The following C12orf42 variants were observed in gnomAD, a reference collection of about 807,000 sequenced individuals.
C12orf42 encodes the protein chromosome 12 open reading frame 42.
In C12orf42, 25 loss-of-function variants were observed where a neutral mutation model predicts 21.6. That is an observed-to-expected ratio of 1.16 (90% CI 0.84 to 1.62). The LOEUF (loss-of-function observed/expected upper bound fraction) is 1.62. Among genes scored for constraint, C12orf42 ranks in the 40% most tolerant of loss-of-function variants. The pLI is 0.00. For synonymous variants in C12orf42, 174 were observed against 175.0 expected (o/e 0.99, Z 0.05); for missense variants, 483 against 459.3 (o/e 1.05, Z -0.47).
the C12orf42 span, among the ~76,000 whole-genome samples, chr12:103,544,903 C>T: frequency 2.0e-5 from 3 of 152,106 alleles, no homozygotes; most frequent in African/African-American, 2.4e-5. Context: ...TACCTCAACA[C>T]GCTCAACCTG....
intron 2 of C12orf42, among the ~76,000 whole-genome samples, chr12:103,448,316 C>T (rs181703463): frequency 6.6e-6 from 1 of 152,132 alleles, no homozygotes; most frequent in African/African-American, 2.4e-5. Context: ...AGACTTAAAT[C>T]TAAGACCTGA....
chr12:103,224,059 T>A, the C12orf42 span, among the ~76,000 whole-genome samples: 1 of 152,134 alleles, frequency 6.6e-6, no homozygotes, highest in African/African-American at 2.4e-5. Context: ...AGGAATTATG[T>A]CTGACAGAAC....
chr12:103,557,994 C>T, the C12orf42 span: 1 of 152,188 alleles, frequency 6.6e-6, no homozygotes, highest in Non-Finnish European at 1.5e-5. Flanking sequence ...AGGATACATA[C>T]ATTGCGCTAT....
At chr12:103,225,673 G>A in the C12orf42 span, among the ~76,000 whole-genome samples, 1 of 152,050 alleles carries the variant, frequency 6.6e-6, no homozygotes, top group Non-Finnish European at 1.5e-5. Context: ...TGGGCAGGTG[G>A]GGATAACTAA....
At chr12:103,485,441 T>C (rs1158018267) in intron 1 of C12orf42, among the ~76,000 whole-genome samples, 2 of 152,206 alleles carry the variant, frequency 1.3e-5, no homozygotes, top group African/African-American at 4.8e-5. Flanking sequence ...CTTAGGATTG[T>C]CTTGGCAATG....
At chr12:103,260,125 T>C (rs756185148) in intron 10 of C12orf42, among the ~76,000 whole-genome samples, 8 of 152,320 alleles carry the variant, frequency 5.3e-5, no homozygotes, top group Middle Eastern at 3.4e-3. Flanking sequence ...TCTGAATTAA[T>C]TGAAACCAAC....
At chr12:103,426,208 C>G (rs1232375706) in intron 2 of C12orf42, among the ~76,000 whole-genome samples, 5 of 151,978 alleles carry the variant, frequency 3.3e-5, no homozygotes, top group African/African-American at 1.2e-4. Context: ...AAGCTAAGAA[C>G]CTTGAAAAAA....
At chr12:103,360,789 C>T (rs145139799) in intron 4 of C12orf42, among the ~76,000 whole-genome samples, 1 of 152,178 alleles carries the variant, frequency 6.6e-6, no homozygotes, top group African/African-American at 2.4e-5. Flanking sequence ...GCCATCAAAG[C>T]CGTGAAATAT....
chr12:103,555,523 T>C, the C12orf42 span, among the ~76,000 whole-genome samples: 133 of 152,232 alleles, frequency 8.7e-4, no homozygotes, highest in African/African-American at 2.9e-3. Context: ...AGCCCAGGAA[T>C]TGACATTTTC....
At chr12:103,201,535 G>A in the C12orf42 span, among the ~76,000 whole-genome samples, 1 of 152,098 alleles carries the variant, frequency 6.6e-6, no homozygotes, top group South Asian at 2.1e-4. Context: ...AGCTCATGAG[G>A]CACCCACTTA....
At chr12:103,159,827 CTTAG>C in the C12orf42 span, among the ~76,000 whole-genome samples, 12 of 152,178 alleles carry the variant, frequency 7.9e-5, no homozygotes, top group African/African-American at 2.4e-4. Context: ...ACCCCTGACT[CTTAG>C]TTAGTGCATG....
intron 2 of C12orf42, among the ~76,000 whole-genome samples, chr12:103,431,561 T>C (rs1191489826): frequency 6.6e-6 from 1 of 152,092 alleles, no homozygotes; most frequent in Non-Finnish European, 1.5e-5. Context: ...AAAGGGGAAA[T>C]GGTACTGATA....
the C12orf42 span, among the ~76,000 whole-genome samples, chr12:103,152,822 A>C: frequency 1.3e-5 from 2 of 152,160 alleles, no homozygotes; most frequent in Non-Finnish European, 2.9e-5. Context: ...CTTTTATACT[A>C]AAAGCTATAA....
At chr12:103,316,747 G>A (rs553967905) in intron 4 of C12orf42, among the ~76,000 whole-genome samples, 1 of 151,910 alleles carries the variant, frequency 6.6e-6, no homozygotes, top group African/African-American at 2.4e-5. Context: ...CCCCATGAGG[G>A]TAAGTACCAG....
chr12:103,113,416 C>T, the C12orf42 span, among the ~76,000 whole-genome samples: 4 of 151,682 alleles, frequency 2.6e-5, no homozygotes, highest in African/African-American at 4.9e-5. Context: ...ATCTCTCAAC[C>T]GATATTAAGT....
chr12:103,050,744 G>C, the C12orf42 span, among the ~76,000 whole-genome samples: 4 of 151,378 alleles, frequency 2.6e-5, no homozygotes. Flanking sequence ...ATTATGGCAG[G>C]GATATATATT....
chr12:103,135,690 A>G, the C12orf42 span, among the ~76,000 whole-genome samples: 3 of 152,242 alleles, frequency 2.0e-5, no homozygotes, highest in African/African-American at 4.8e-5. Context: ...CTAACAGTAC[A>G]TCAAACAAAT....
At chr12:103,367,960 G>T in intron 4 of C12orf42, 1 of 809,762 alleles carries the variant, frequency 1.2e-6, no homozygotes, top group Non-Finnish European at 1.7e-6. Flanking sequence ...ATAAGTGAAT[G>T]AATAAACACA....
intron 10 of C12orf42, among the ~76,000 whole-genome samples, chr12:103,254,618 C>T (rs905589946): frequency 3.3e-5 from 5 of 152,166 alleles, no homozygotes; most frequent in Admixed American, 1.3e-4. Flanking sequence ...TTTACAGGGA[C>T]ATGGATGGAG....
Sources: allele counts gnomAD v4.1 joint callset (sites outside exome capture counted in the v4.1 genomes callset), GRCh38; gene constraint gnomAD v4.1.1; transcripts MANE v1.5; gene names NCBI Gene and HGNC (gene_info 2026-07-23, HGNC 2026-07-21).